Variants in AHCYL2 observed in about 807,000 individuals in gnomAD.
AHCYL2 encodes adenosylhomocysteinase like 2.
In AHCYL2, 28 loss-of-function variants were observed where a neutral mutation model predicts 81.4. The ratio of observed to expected loss-of-function variants is 0.34; its 90% CI spans 0.25 to 0.47. AHCYL2 has a LOEUF of 0.47. Ranked by LOEUF, AHCYL2 falls within the 20% of genes least tolerant of loss-of-function variation. AHCYL2 has a pLI of 1.00. For missense variants in AHCYL2, 551 were observed against 785.1 expected (o/e 0.70, Z 3.56); for synonymous variants, 272 against 290.2 (o/e 0.94, Z 0.64).
Position 129,225,355 on chromosome 7 carries a change from C to G in AHCYL2, c.279C>G (p.His93Gln), listed in dbSNP as rs1355256958. ...CCATGAAGCGGAGCGACCCACATCACCAGCACCAGCGGCACCGCGACGGCG... is the reference window on the plus strand; with the variant it reads ...CCATGAAGCGGAGCGACCCACATCAGCAGCACCAGCGGCACCGCGACGGCG... The part of the protein sequence containing the change: ...ASAMKRSDPH[H>Q]QHQRHRDGGE... Residue 93 changes from histidine to glutamine, a missense_variant, in exon 1 of 17, where the codon CAC (histidine) becomes CAG (glutamine). By Grantham distance (24) the His-to-Gln change is conservative (BLOSUM62 0). Around this residue, in one of 2 missense-constraint regions of AHCYL2, gnomAD observed 235 missense variants for 242.1 expected, o/e 0.97. Transcript: ENST00000325006. 6.6e-6 allele frequency: 10 copies of G among 1,516,350 alleles called. No homozygotes were observed. The highest frequency in any genetic ancestry group is 8.8e-6 in the Non-Finnish European group (10 of 1,138,582). The allele number at this position is 1,516,350 out of a possible 1,614,324, so 93.9% of individuals were successfully genotyped here. A position where few individuals can be genotyped will look rare whatever the true frequency, so the allele number is the denominator to read the frequency against.
chr7:129,255,634 C>T (rs1407332248), intron 1 of AHCYL2, among the ~76,000 whole-genome samples: 1 of 152,206 alleles, frequency 6.6e-6, no homozygotes, highest in African/African-American at 2.4e-5. Context: ...AGGGTTAAGA[C>T]AATTCATTTG....
rs757552515 is a variant in AHCYL2 at position 129,225,260 on chromosome 7, G to T, written c.184G>T (p.Val62Phe). The T allele has an allele frequency of 2.1e-6, 3 of 1,456,596 alleles. No individual in the cohort carries two copies. The East Asian group carries it at 8.9e-5, about 43-fold the overall frequency. 90.2% of individuals were successfully genotyped at this position (1,456,596 alleles called of 1,614,324 possible). A position where few individuals can be genotyped will look rare whatever the true frequency, so the allele number is the denominator to read the frequency against. Reference protein sequence around the residue: ...APAPAAERPPVPGPGSGPAAA... With the variant: ...APAPAAERPPFPGPGSGPAAA... Reference sequence around the variant, plus strand: ...AGCTCCCGCCGCGGAGCGGCCCCCGGTCCCCGGCCCGGGCTCGGGGCCCGC... The same window carrying T: ...AGCTCCCGCCGCGGAGCGGCCCCCGTTCCCCGGCCCGGGCTCGGGGCCCGC... The change falls in exon 1 of 17, where the codon GTC becomes TTC. Residue 62 changes from valine (V) to phenylalanine (F), a missense_variant. Coordinates refer to ENST00000325006, the MANE Select transcript of AHCYL2 (RefSeq NM_015328.4).
At chr7:129,376,468 C>G (rs1159092096) in intron 1 of AHCYL2, among the ~76,000 whole-genome samples, 1 of 152,186 alleles carries the variant, frequency 6.6e-6, no homozygotes, top group Non-Finnish European at 1.5e-5. Flanking sequence ...GTGGAGAAAG[C>G]CTTGTACAAC....
chr7:129,397,335 A>G lies in AHCYL2; in HGVS notation c.823+11A>G. 1 of 1,612,598 alleles carries G rather than the reference A, an allele frequency of 6.2e-7. No individual in the cohort carries two copies. Among genetic ancestry groups the G allele is most frequent in the Non-Finnish European group, 8.5e-7 (1 of 1,179,216 alleles). ...CTCTAGCAGAAAGTGGTAAGAGCTT[A>G]TTCTCTGTGCCTTTGGCTAAAGTAA... On this transcript the variant is annotated intron_variant, in intron 5 of 16. Transcript: ENST00000325006.
chr7:129,407,740 G>A (rs567317071), intron 10 of AHCYL2, among the ~76,000 whole-genome samples: 55 of 152,300 alleles, frequency 3.6e-4, no homozygotes, highest in African/African-American at 1.3e-3. Flanking sequence ...AATGAGATAA[G>A]GTCCTGCTTT....
At chr7:129,331,251 G>A (rs768452133) in intron 1 of AHCYL2, among the ~76,000 whole-genome samples, 17 of 152,162 alleles carry the variant, frequency 1.1e-4, no homozygotes, top group Non-Finnish European at 2.1e-4. Context: ...CTTTTCTGGC[G>A]GGTACTTTGG....
intron 1 of AHCYL2, among the ~76,000 whole-genome samples, chr7:129,252,626 G>A (rs963773675): frequency 6.6e-6 from 1 of 152,146 alleles, no homozygotes; most frequent in Non-Finnish European, 1.5e-5. Flanking sequence ...TATTGTCTGG[G>A]GGTGGTGGCA....
chr7:129,250,787 G>A (rs1438898406), intron 1 of AHCYL2, among the ~76,000 whole-genome samples: 2 of 152,178 alleles, frequency 1.3e-5, no homozygotes, highest in East Asian at 3.8e-4. Flanking sequence ...ATGTCTCTTA[G>A]CTAAGCTATA....
At chr7:129,395,876 T>TCAA (rs1795707418) in intron 4 of AHCYL2, among the ~76,000 whole-genome samples, 1 of 152,166 alleles carries the variant, frequency 6.6e-6, no homozygotes, top group Non-Finnish European at 1.5e-5. Flanking sequence ...TCGTAATTGT[T>TCAA]CAAAAGTTTA....
intron 1 of AHCYL2, among the ~76,000 whole-genome samples, chr7:129,272,871 C>T (rs35695777): frequency 0.025 from 3,738 of 152,034 alleles, 76 homozygotes; most frequent in Admixed American, 0.057. Context: ...AAAACTTTTT[C>T]TCATCTCTAG....
rs73722943 is a variant in AHCYL2, at chr7:129,313,952, T to G, written c.364-65686T>G. Among the ~76,000 whole-genome samples the G allele has an allele frequency of 3.4e-3, 517 of 152,282 alleles. 1 individual carries two copies. The highest frequency in any genetic ancestry group is 0.012 in the African/African-American group (500 of 41,554). On this transcript the variant is annotated intron_variant, in intron 1 of 16. Transcript: ENST00000325006. ...TGTTAGATTCCAGAAATGTAGCATTTATAGGTACTGACAAGGTTACCAGGG... is the reference window on the plus strand; with the variant it reads ...TGTTAGATTCCAGAAATGTAGCATTGATAGGTACTGACAAGGTTACCAGGG...
At chr7:129,413,396 C>T (rs930548599) in intron 11 of AHCYL2, among the ~76,000 whole-genome samples, 198 bp from the exon 12 acceptor site, 10 of 151,902 alleles carry the variant, frequency 6.6e-5, no homozygotes, top group African/African-American at 2.4e-4. Flanking sequence ...CCGTCTCAGC[C>T]TCCGAAAGTG....
At chr7:129,231,196 T>C (rs1172564638) in intron 1 of AHCYL2, among the ~76,000 whole-genome samples, 1 of 151,780 alleles carries the variant, frequency 6.6e-6, no homozygotes, top group African/African-American at 2.4e-5. Context: ...GCCGAGATCA[T>C]GCCACCGCGC....
intron 1 of AHCYL2, among the ~76,000 whole-genome samples, chr7:129,372,251 G>A (rs947700449): frequency 1.1e-4 from 16 of 152,192 alleles, no homozygotes; most frequent in African/African-American, 3.4e-4. Flanking sequence ...AGGCAAAGTA[G>A]ATATGATTAT....
chr7:129,283,587 T>C (rs769271729), intron 1 of AHCYL2, among the ~76,000 whole-genome samples: 4 of 152,200 alleles, frequency 2.6e-5, no homozygotes, highest in Non-Finnish European at 5.9e-5. Context: ...ACTTTAAAAT[T>C]AAGTTTCACC....
chr7:129,267,440 G>C (rs879690165), intron 1 of AHCYL2, among the ~76,000 whole-genome samples: 1 of 152,090 alleles, frequency 6.6e-6, no homozygotes, highest in Non-Finnish European at 1.5e-5. Context: ...TAGTAGCTGG[G>C]ATTGTAGGTG....
chr7:129,359,263 A>G (rs573945517), intron 1 of AHCYL2, among the ~76,000 whole-genome samples: 1 of 152,348 alleles, frequency 6.6e-6, no homozygotes, highest in Non-Finnish European at 1.5e-5. Flanking sequence ...ATATTTTATG[A>G]TGTTTATATC....
At chr7:129,269,759 C>T (rs937572768) in intron 1 of AHCYL2, among the ~76,000 whole-genome samples, 10 of 152,146 alleles carry the variant, frequency 6.6e-5, no homozygotes, top group Admixed American at 5.2e-4. Flanking sequence ...TTTTAGAGTT[C>T]ACCTTAAATT....
At chr7:129,226,395 A>T (rs1365123883) in intron 1 of AHCYL2, among the ~76,000 whole-genome samples, 1 of 152,246 alleles carries the variant, frequency 6.6e-6, no homozygotes, top group African/African-American at 2.4e-5. Context: ...ACAGAAAAAC[A>T]GGGCAAGTAT....
Sources: gnomAD v4.1 joint callset for allele counts (sites outside exome capture counted in the v4.1 genomes callset) on GRCh38, gnomAD v4.1.1 for gene constraint, gnomAD v4.1.1 regional missense constraint, MANE v1.5 for transcripts, NCBI Gene and HGNC (gene_info 2026-07-23, HGNC 2026-07-21) for gene names.